HSD17B11: variants seen among roughly 807,000 people sequenced by gnomAD.
HSD17B11 encodes the protein estradiol 17-beta-dehydrogenase 11.
A neutral mutation model predicts 27.8 loss-of-function variants in HSD17B11; 22 were observed. The observed-to-expected ratio is 0.79, with a 90% CI of 0.56 to 1.13. HSD17B11 has a LOEUF of 1.13. Among genes scored for constraint, HSD17B11 ranks in the 50% most tolerant of loss-of-function variants. HSD17B11 has a pLI of 0.00. For missense variants in HSD17B11, 314 were observed against 351.1 expected (o/e 0.89, Z 0.84); for synonymous variants, 117 against 132.8 (o/e 0.88, Z 0.82).
At chr4:87,362,845 G>T (rs1454305725) in intron 4 of HSD17B11, among the ~76,000 whole-genome samples, 1 of 152,194 alleles carries the variant, frequency 6.6e-6, no homozygotes, top group Non-Finnish European at 1.5e-5. Context: ...CAATAGGTGG[G>T]TCTTTCTCTG....
chr4:87,383,746 CTT>C (rs397946047), intron 1 of HSD17B11, among the ~76,000 whole-genome samples: 11 of 111,576 alleles, frequency 9.9e-5, no homozygotes, highest in Non-Finnish European at 4.1e-5. Context: ...CAATTTTTGC[CTT>C]TTTTTTTTTT....
chr4:87,341,185 T>A (rs1242704706), intron 5 of HSD17B11, among the ~76,000 whole-genome samples: 1 of 152,100 alleles, frequency 6.6e-6, no homozygotes, highest in Non-Finnish European at 1.5e-5. Flanking sequence ...TTTGTTTGTT[T>A]TTTTGAGGCA....
chr4:87,380,302 G>A (rs1366472858), intron 2 of HSD17B11, among the ~76,000 whole-genome samples: 5 of 149,378 alleles, frequency 3.3e-5, no homozygotes, highest in East Asian at 2.0e-4. Context: ...GTGAAAGCCC[G>A]TCTCTACTAA....
At position 87,370,749 on chromosome 4, in the gene HSD17B11, A is replaced by ATTTT. The variant is rs1401448001; in HGVS notation, c.557+1959_557+1960insAAAA. Among the ~76,000 whole-genome samples, 33 of 6,478 alleles carry ATTTT rather than the reference A, an allele frequency of 5.1e-3. 1 individual carries two copies. The highest frequency in any genetic ancestry group is 6.8e-3 in the Non-Finnish European group (24 of 3,532). The allele number at this position is 6,478 out of a possible 152,430, so 4.2% of individuals were successfully genotyped here. ...TATTATTATTATTATTATTATTATT[A>ATTTT]TTATTATTTTTTTTTTTTTTTGAGA... On this transcript the variant is annotated intron_variant, in intron 4 of 6. Transcript: ENST00000358290.
chr4:87,366,737 A>T (rs1351730829), intron 4 of HSD17B11, among the ~76,000 whole-genome samples: 1 of 152,144 alleles, frequency 6.6e-6, no homozygotes, highest in Non-Finnish European at 1.5e-5. Flanking sequence ...AATCTTCTTT[A>T]AAAGGTGGTT....
intron 5 of HSD17B11, among the ~76,000 whole-genome samples, chr4:87,347,108 TTTTTTTTC>T: frequency 1.1e-5 from 1 of 89,078 alleles, no homozygotes; most frequent in Non-Finnish European, 2.0e-5. Flanking sequence ...TCTGGATTTT[TTTTTTTTC>T]TTTTTTTTTT....
chr4:87,389,558 C>T lies in HSD17B11; in HGVS notation c.210+1303G>A, dbSNP rs1290916762. ...AATTACTTAATGTCCATTTTCCCTA[C>T]TAGACTGAGGTCATGGAACCTTATT... On this transcript the variant is annotated intron_variant, in intron 1 of 6. Coordinates refer to ENST00000358290, the MANE Select transcript of HSD17B11 (RefSeq NM_016245.5). Among the ~76,000 whole-genome samples the T allele has an allele frequency of 2.0e-5, 3 of 152,330 alleles. 1 individual carries two copies. Among genetic ancestry groups the T allele is most frequent in the African/African-American group, 7.2e-5 (3 of 41,564 alleles).
At chr4:87,338,013 C>T (rs1030218304) in intron 6 of HSD17B11, among the ~76,000 whole-genome samples, 1 of 152,120 alleles carries the variant, frequency 6.6e-6, no homozygotes, top group Admixed American at 6.5e-5. Context: ...GTCAGGAGAC[C>T]GAGATCATCC....
intron 1 of HSD17B11, among the ~76,000 whole-genome samples, chr4:87,388,076 C>T (rs1720365057): frequency 6.6e-6 from 1 of 151,738 alleles, no homozygotes; most frequent in Non-Finnish European, 1.5e-5. Flanking sequence ...TCATCTGTAG[C>T]TCCAGCCCTT....
intron 2 of HSD17B11, among the ~76,000 whole-genome samples, chr4:87,379,673 G>T (rs1720076736): frequency 1.4e-5 from 2 of 141,016 alleles, no homozygotes; most frequent in African/African-American, 5.3e-5. Flanking sequence ...TATATTAATA[G>T]TATAATATAG....
rs11097145 is a variant in HSD17B11, at chr4:87,352,982, C to T, written c.695+4297G>A. Among the ~76,000 whole-genome samples, 6 of 103,382 alleles carry T rather than the reference C, an allele frequency of 5.8e-5. 1 individual carries two copies. The highest frequency in any genetic ancestry group is 2.6e-4 in the African/African-American group (5 of 19,494). The allele number at this position is 103,382 out of a possible 152,430, so 67.8% of individuals were successfully genotyped here. On this transcript the variant is annotated intron_variant, in intron 5 of 6. Coordinates refer to ENST00000358290, the MANE Select transcript of HSD17B11 (RefSeq NM_016245.5). ...CAATGCCTCGCCCTGCTTCGGCTCG[C>T]GCACGGTGCGCACACACACTGGCCT... is the stretch of plus-strand genomic sequence containing the variant.
chr4:87,381,730 A>G (rs920102586), intron 2 of HSD17B11, among the ~76,000 whole-genome samples: 1 of 149,382 alleles, frequency 6.7e-6, no homozygotes. Context: ...CTGCACTCCA[A>G]CCTGGGTAAC....
chr4:87,357,058 T>C (rs893205283), intron 5 of HSD17B11, among the ~76,000 whole-genome samples: 2 of 152,184 alleles, frequency 1.3e-5, no homozygotes, highest in Non-Finnish European at 2.9e-5. Context: ...AGTTAGCAAG[T>C]TTACCAATGT....
At chr4:87,382,484 G>A (rs1720202835) in intron 1 of HSD17B11, 122 bp from the exon 2 acceptor site, 1 of 607,798 alleles carries the variant, frequency 1.6e-6, no homozygotes, top group East Asian at 2.8e-5. Context: ...AATTGGGCAA[G>A]ATTGTTAACA....
At position 87,337,298 on chromosome 4, in the gene HSD17B11, C is replaced by G; in HGVS notation, c.881G>C (p.Gly294Ala). Residue 294 changes from glycine (G) to alanine (A), a missense_variant, in exon 7 of 7, where the codon GGA becomes GCA. By Grantham distance (60) the Gly-to-Ala change is moderately conservative. Coordinates refer to ENST00000358290, the MANE Select transcript of HSD17B11 (RefSeq NM_016245.5). Reference protein sequence around the residue: ...KISVKFDAVIGYKMKAQ With the variant: ...KISVKFDAVIAYKMKAQ ...TGCTTATTGCGCTTTCATTTTATAT[C>G]CAATAACTGCATCAAACTTAACACT... 6.2e-7 allele frequency: 1 copy of G among 1,604,780 alleles called. No individual in the cohort carries two copies. Among genetic ancestry groups the G allele is most frequent in the Non-Finnish European group, 8.5e-7 (1 of 1,172,724 alleles).
chr4:87,369,704 G>A (rs1175098207), intron 4 of HSD17B11, among the ~76,000 whole-genome samples: 1 of 152,100 alleles, frequency 6.6e-6, no homozygotes, highest in Non-Finnish European at 1.5e-5. Context: ...CAAAGCCTGG[G>A]GGATTACAGG....
intron 1 of HSD17B11, among the ~76,000 whole-genome samples, chr4:87,384,377 G>C (rs1720250409): frequency 6.6e-6 from 1 of 152,062 alleles, no homozygotes. Context: ...CCTTGAAAAA[G>C]AACAGAATAA....
In HSD17B11 at chr4:87,370,838, C is replaced by T. The variant is rs572851373; in HGVS notation, c.557+1871G>A. On this transcript the variant is annotated intron_variant, in intron 4 of 6. Coordinates refer to ENST00000358290, the MANE Select transcript of HSD17B11 (RefSeq NM_016245.5). ...CGCGATCTCGGCTCACTGCAAGCTC[C>T]GCCTCCCGGGTTCACGCCATTCTCC... is the stretch of plus-strand genomic sequence containing the variant. 7.5e-3 allele frequency among the ~76,000 whole-genome samples: 923 copies of T among 122,506 alleles called. 92 individuals carry two copies. The highest frequency in any genetic ancestry group is 0.039 in the Middle Eastern group (10 of 256). The allele number at this position is 122,506 out of a possible 152,430, so 80.4% of individuals were successfully genotyped here.
At chr4:87,386,433 C>T (rs1720321311) in intron 1 of HSD17B11, among the ~76,000 whole-genome samples, 1 of 152,072 alleles carries the variant, frequency 6.6e-6, no homozygotes, top group African/African-American at 2.4e-5. Context: ...GAACCCCTGG[C>T]CTCAAGTGAT....
Sources: gnomAD v4.1 joint callset for allele counts (sites outside exome capture counted in the v4.1 genomes callset) on GRCh38, gnomAD v4.1.1 for gene constraint, MANE v1.5 for transcripts, NCBI Gene and HGNC (gene_info 2026-07-23, HGNC 2026-07-21) for gene names.